Variants in ANKRD30BL observed in about 807,000 individuals in gnomAD.
ANKRD30BL encodes the protein ankyrin repeat domain 30B like, also known as putative ankyrin repeat domain-containing protein 30B-like.
ANKRD30BL carries 20 observed loss-of-function variants against 18.4 expected under a neutral mutation model. The ratio of observed to expected loss-of-function variants is 1.09; its 90% CI spans 0.77 to 1.58. The LOEUF is 1.58. Ranked by LOEUF, ANKRD30BL falls within the 40% of genes most tolerant of loss-of-function variation. ANKRD30BL has a pLI of 0.00. For missense variants in ANKRD30BL, 224 were observed against 268.6 expected, an observed-to-expected ratio of 0.83 and a Z score of 1.16; for synonymous variants, 72 against 100.9, an observed-to-expected ratio of 0.71 and a Z score of 1.72.
intron 1 of ANKRD30BL, among the ~76,000 whole-genome samples, chr2:132,244,990 T>C (rs1680454272): frequency 6.6e-6 from 1 of 152,302 alleles, no homozygotes; most frequent in Non-Finnish European, 1.5e-5. Context: ...TGAACTCAAC[T>C]CACAGAGCTA....
At chr2:132,153,585 G>A (rs1462065146) in intron 4 of ANKRD30BL, 1 of 648,242 alleles carries the variant, frequency 1.5e-6, no homozygotes, top group Admixed American at 1.9e-5. Context: ...ACAGCATAAC[G>A]TTCTGCAATC....
intron 1 of ANKRD30BL, among the ~76,000 whole-genome samples, chr2:132,245,358 C>T (rs374360715): frequency 2.5e-4 from 33 of 130,642 alleles, no homozygotes; most frequent in Non-Finnish European, 3.9e-4. Context: ...AGCTTTTATA[C>T]AGCAGATTGG....
At chr2:132,164,949 C>T (rs1419792518), upstream of ANKRD30BL, among the ~76,000 whole-genome samples, 1 of 152,112 alleles carries the variant, frequency 6.6e-6, no homozygotes, top group Non-Finnish European at 1.5e-5. Context: ...TGGCAGGCAC[C>T]TGTAGTCCCA....
intron 1 of ANKRD30BL, among the ~76,000 whole-genome samples, chr2:132,251,687 T>C (rs1680653510): frequency 6.6e-6 from 1 of 152,234 alleles, no homozygotes; most frequent in Non-Finnish European, 1.5e-5. Flanking sequence ...TCCCATACTT[T>C]CTGATATCAG....
chr2:132,213,201 A>G (rs1444268563), intron 1 of ANKRD30BL, among the ~76,000 whole-genome samples: 1 of 151,984 alleles, frequency 6.6e-6, no homozygotes, highest in East Asian at 1.9e-4. Context: ...TGATGCGTGC[A>G]TTCATCACAC....
chr2:132,217,348 T>C (rs1156541137), intron 1 of ANKRD30BL, among the ~76,000 whole-genome samples: 1 of 152,118 alleles, frequency 6.6e-6, no homozygotes, highest in Non-Finnish European at 1.5e-5. Context: ...TTTCTTTTGA[T>C]AGAGCAGTTT....
chr2:132,178,381 A>C (rs1420019995), intron 1 of ANKRD30BL, among the ~76,000 whole-genome samples: 4 of 152,222 alleles, frequency 2.6e-5, no homozygotes, highest in Non-Finnish European at 5.9e-5. Context: ...GGAATTTTTT[A>C]ATTTAAATGT....
At chr2:132,191,820 C>A (rs1164883321) in intron 1 of ANKRD30BL, among the ~76,000 whole-genome samples, 1 of 149,354 alleles carries the variant, frequency 6.7e-6, no homozygotes, top group African/African-American at 2.5e-5. Flanking sequence ...CGGCTCACTG[C>A]AAGCTCTGCC....
chr2:132,164,433 G>GCTGAGTA (rs1302948096), upstream of ANKRD30BL, among the ~76,000 whole-genome samples: 3 of 151,952 alleles, frequency 2.0e-5, no homozygotes, highest in East Asian at 5.8e-4. Context: ...TGGGATTACA[G>GCTGAGTA]GCACCCGCCA....
chr2:132,235,136 A>G (rs1680119735), intron 1 of ANKRD30BL, among the ~76,000 whole-genome samples: 1 of 152,200 alleles, frequency 6.6e-6, no homozygotes, highest in African/African-American at 2.4e-5. Context: ...AAAATTCAAC[A>G]ACACTTCATG....
At chr2:132,167,390 T>A (rs919096547) in intron 1 of ANKRD30BL, among the ~76,000 whole-genome samples, 14 of 151,494 alleles carry the variant, frequency 9.2e-5, no homozygotes, top group Non-Finnish European at 2.1e-4. Flanking sequence ...GCAGTGGTAG[T>A]CTTGGCACAA....
chr2:132,234,953 A>C lies in ANKRD30BL; in HGVS notation n.441+22576T>G, dbSNP rs200545940. On this transcript the variant is annotated intron_variant and non_coding_transcript_variant, in intron 1 of 4. Transcript: ENST00000470729. Reference sequence around the variant, plus strand: ...AAATCCTCAATAAAATACTGGCAAAACGAATCCAGCAGAACATCAAAAAGC... The same window carrying C: ...AAATCCTCAATAAAATACTGGCAAACCGAATCCAGCAGAACATCAAAAAGC... Among the ~76,000 whole-genome samples the C allele has an allele frequency of 3.3e-5, 5 of 152,128 alleles. No homozygotes were observed. In the East Asian group the frequency reaches 9.6e-4, roughly 29 times the overall value.
chr2:132,173,428 T>C (rs916010033), intron 1 of ANKRD30BL, among the ~76,000 whole-genome samples: 2 of 151,690 alleles, frequency 1.3e-5, no homozygotes, highest in African/African-American at 4.8e-5. Context: ...GCATCCTAAG[T>C]AGCTGGGACT....
intron 4 of ANKRD30BL, among the ~76,000 whole-genome samples, chr2:132,154,271 G>T (rs1303831584): frequency 6.6e-6 from 1 of 152,104 alleles, no homozygotes; most frequent in African/African-American, 2.4e-5. Flanking sequence ...AGCAAATATT[G>T]CATTTTTTAA....
In ANKRD30BL at chr2:132,192,526, T is replaced by C. The variant is rs538345892; in HGVS notation, n.442-35380A>G. On this transcript the variant is annotated intron_variant and non_coding_transcript_variant, in intron 1 of 4. Transcript: ENST00000470729. ...GCTACCTCTTCCAGGCTGAGTTCTA[T>C]TGGAACCACCAAGTCATGACACCAG... is the stretch of plus-strand genomic sequence containing the variant. 5.9e-5 allele frequency among the ~76,000 whole-genome samples: 9 copies of C among 152,314 alleles called. No homozygotes were observed. In the South Asian group the frequency reaches 1.9e-3, roughly 32 times the overall value.
intron 1 of ANKRD30BL, among the ~76,000 whole-genome samples, chr2:132,234,099 C>T (rs888681389): frequency 5.3e-5 from 8 of 152,064 alleles, no homozygotes; most frequent in East Asian, 1.9e-4. Flanking sequence ...GGATATTTAA[C>T]GCTATGAAGG....
intron 1 of ANKRD30BL, among the ~76,000 whole-genome samples, chr2:132,191,641 T>C (rs1678851848): frequency 1.3e-5 from 2 of 152,204 alleles, no homozygotes; most frequent in African/African-American, 4.8e-5. Context: ...TTTTTCAGTG[T>C]TTATCCATCA....
intron 1 of ANKRD30BL, among the ~76,000 whole-genome samples, chr2:132,211,931 C>A (rs1573847396): frequency 6.6e-6 from 1 of 151,914 alleles, no homozygotes; most frequent in East Asian, 1.9e-4. Context: ...TAGACAGAAT[C>A]ATTCCGACAA....
chr2:132,211,057 C>T (rs1573845892), intron 1 of ANKRD30BL, among the ~76,000 whole-genome samples: 1 of 151,824 alleles, frequency 6.6e-6, no homozygotes, highest in South Asian at 2.1e-4. Flanking sequence ...AATATCTTCA[C>T]ATAAAAACTA....
Sources: allele counts gnomAD v4.1 joint callset (sites outside exome capture counted in the v4.1 genomes callset), GRCh38; gene constraint gnomAD v4.1.1; transcripts MANE v1.5; gene names NCBI Gene and HGNC (gene_info 2026-07-23, HGNC 2026-07-21).